The following TLL1 variants were observed in gnomAD, a reference collection of about 807,000 sequenced individuals.
TLL1 encodes the protein tolloid like 1, also known as tolloid-like protein 1.
TLL1 carries 49 observed loss-of-function variants against 128.2 expected under a neutral mutation model. The observed-to-expected ratio is 0.38, with a 90% CI of 0.30 to 0.48. The LOEUF (loss-of-function observed/expected upper bound fraction) is 0.48. Among genes scored for constraint, TLL1 ranks in the 20% least tolerant of loss-of-function variants. The probability of loss-of-function intolerance (pLI) is 0.96; values close to 1 mark genes in which losing one functional copy is unlikely to be tolerated. For synonymous variants in TLL1, 454 were observed against 418.8 expected (o/e 1.08, Z -1.03); for missense variants, 1,123 against 1,242.0 (o/e 0.90, Z 1.44).
chr4:166,060,498 GA>G (rs1326163354), intron 15 of TLL1, among the ~76,000 whole-genome samples: 2 of 151,744 alleles, frequency 1.3e-5, no homozygotes, highest in Admixed American at 1.3e-4. Context: ...GACACTTCTA[GA>G]AAAAAATAAA....
At chr4:166,083,575 A>G (rs1741380149) in intron 18 of TLL1, among the ~76,000 whole-genome samples, 1 of 123,124 alleles carries the variant, frequency 8.1e-6, no homozygotes, top group African/African-American at 2.5e-5. Context: ...GGTCAACACC[A>G]TTCAACTCTC....
rs566659642 is a variant in TLL1, at chr4:166,101,140, C to A, written c.*264C>A. Reference sequence around the variant, plus strand: ...TATACTTCAAGGAAGACTCTACAAGCTTTTGTTCACAGCTTGAAATAGATG... The same window carrying A: ...TATACTTCAAGGAAGACTCTACAAGATTTTGTTCACAGCTTGAAATAGATG... On this transcript the variant is annotated 3_prime_UTR_variant, in exon 21 of 21. Transcript: ENST00000061240. 1.9e-5 allele frequency: 8 copies of A among 422,676 alleles called. No individual in the cohort carries two copies. Among genetic ancestry groups the A allele is most frequent in the South Asian group, 1.9e-4 (8 of 43,190 alleles). 26.2% of individuals were successfully genotyped at this position (422,676 alleles called of 1,614,324 possible).
chr4:165,896,354 C>G (rs1389344759), intron 1 of TLL1, among the ~76,000 whole-genome samples: 1 of 152,038 alleles, frequency 6.6e-6, no homozygotes, highest in Non-Finnish European at 1.5e-5. Context: ...TGGGTTGGTT[C>G]CAAGGCTTTG....
chr4:165,931,073 ATG>A (rs1733490542), intron 1 of TLL1, among the ~76,000 whole-genome samples: 1 of 152,196 alleles, frequency 6.6e-6, no homozygotes, highest in South Asian at 2.1e-4. Flanking sequence ...TTCATAGATT[ATG>A]TGTTTTGTTG....
At chr4:166,038,502 A>C (rs914511660) in intron 9 of TLL1, among the ~76,000 whole-genome samples, 9 of 151,888 alleles carry the variant, frequency 5.9e-5, no homozygotes, top group East Asian at 1.9e-4. Flanking sequence ...AAAAAAAAAA[A>C]CCAGATGAAT....
In TLL1 at chr4:165,937,453, C is replaced by T. The variant is rs1733816310; in HGVS notation, c.170-51928C>T. 2.0e-5 allele frequency among the ~76,000 whole-genome samples: 3 copies of T among 152,066 alleles called. No homozygotes were observed. In the South Asian group the frequency reaches 6.2e-4, roughly 32 times the overall value. On this transcript the variant is annotated intron_variant, in intron 1 of 20. Coordinates refer to ENST00000061240, the MANE Select transcript of TLL1 (RefSeq NM_012464.5). ...TACTACCAATTCTGATTACTGAAAA[C>T]AACAAAACAAAATGACTTTGTATAT...
intron 1 of TLL1, among the ~76,000 whole-genome samples, chr4:165,878,475 C>T (rs1730820497): frequency 6.6e-6 from 1 of 152,006 alleles, no homozygotes; most frequent in Non-Finnish European, 1.5e-5. Flanking sequence ...AATTCTGCTC[C>T]TGGTTTGTCA....
chr4:166,003,353 C>T, intron 5 of TLL1, 38 bp from the exon 6 acceptor site: 1 of 1,611,144 alleles, frequency 6.2e-7, no homozygotes, highest in Non-Finnish European at 8.5e-7. Flanking sequence ...TCCAGCACCA[C>T]CTTTCCACCA....
At chr4:165,958,815 G>T (rs1206689794) in intron 1 of TLL1, among the ~76,000 whole-genome samples, 1 of 147,698 alleles carries the variant, frequency 6.8e-6, no homozygotes, top group Non-Finnish European at 1.5e-5. Context: ...GTAATGCCTA[G>T]GTTTTCTTCT....
chr4:165,909,906 GT>G (rs1732448174), intron 1 of TLL1, among the ~76,000 whole-genome samples: 1 of 152,152 alleles, frequency 6.6e-6, no homozygotes, highest in East Asian at 1.9e-4. Context: ...TAGTAGCACA[GT>G]TTTTTTCCCC....
chr4:165,903,839 A>G (rs571483906), intron 1 of TLL1, among the ~76,000 whole-genome samples: 1 of 152,198 alleles, frequency 6.6e-6, no homozygotes, highest in South Asian at 2.1e-4. Flanking sequence ...ATTGTGGTAT[A>G]ATCTATGGCA....
chr4:165,952,469 G>C (rs1044500956), intron 1 of TLL1, among the ~76,000 whole-genome samples: 5 of 152,120 alleles, frequency 3.3e-5, no homozygotes, highest in African/African-American at 9.7e-5. Flanking sequence ...GGATGAAGTA[G>C]ACAGGGAAGG....
chr4:166,099,398 C>A lies in TLL1; in HGVS notation c.2778C>A (p.Gly926=). The change falls in exon 20 of 21, where the codon GGC becomes GGA. Residue 926 remains glycine, a synonymous_variant. Transcript: ENST00000061240. The part of the protein sequence containing the change: ...DCEWLLVSER[G]SRLELSFQTF... ...AATGGCTATTAGTATCAGAACGGGG[C>A]TCTCGACTTGAATTATCCTTCCAGA... 6.2e-7 allele frequency: 1 copy of A among 1,613,592 alleles called. No homozygotes were observed.
chr4:165,985,227 A>T (rs548429722), intron 1 of TLL1, among the ~76,000 whole-genome samples: 2 of 152,148 alleles, frequency 1.3e-5, no homozygotes, highest in Admixed American at 1.3e-4. Context: ...ACATGGAAGT[A>T]GAGACACTTA....
intron 5 of TLL1, among the ~76,000 whole-genome samples, chr4:165,998,653 C>T (rs1375513574): frequency 1.3e-5 from 2 of 151,738 alleles, no homozygotes; most frequent in Non-Finnish European, 2.9e-5. Flanking sequence ...AAAAATTAGC[C>T]GGGCGTGGTG....
At chr4:166,041,387 G>A (rs893698488) in intron 10 of TLL1, among the ~76,000 whole-genome samples, 10 of 149,598 alleles carry the variant, frequency 6.7e-5, no homozygotes, top group Non-Finnish European at 1.2e-4. Context: ...TGCAACCTCT[G>A]CCTCTCGGAC....
At chr4:166,078,419 C>G (rs766374100) in intron 18 of TLL1, among the ~76,000 whole-genome samples, 1 of 152,164 alleles carries the variant, frequency 6.6e-6, no homozygotes. Flanking sequence ...ACATATTCTA[C>G]TGGTTATGCC....
At chr4:166,060,335 A>G (rs1740248176) in intron 15 of TLL1, 147 bp downstream of exon 15, 2 of 887,980 alleles carry the variant, frequency 2.3e-6, no homozygotes, top group African/African-American at 3.4e-5. Flanking sequence ...GCAACTGCTT[A>G]TGAATCTCGT....
chr4:165,873,844 C>G lies in TLL1; in HGVS notation c.-61C>G. 1 of 1,598,120 alleles carries G rather than the reference C, an allele frequency of 6.3e-7. No homozygotes were observed. The highest frequency in any genetic ancestry group is 8.6e-7 in the Non-Finnish European group (1 of 1,168,056). The stretch of plus-strand genomic sequence containing the variant: ...CGGTGCCCCTAGCCCCGCACATCAG[C>G]GCGGACCGCGGCTGCCTAACCTCTG... On this transcript the variant is annotated 5_prime_UTR_variant, in exon 1 of 21. Coordinates refer to ENST00000061240, the MANE Select transcript of TLL1 (RefSeq NM_012464.5).
Sources: gnomAD v4.1 joint callset for allele counts (sites outside exome capture counted in the v4.1 genomes callset) on GRCh38, gnomAD v4.1.1 for gene constraint, MANE v1.5 for transcripts, NCBI Gene and HGNC (gene_info 2026-07-23, HGNC 2026-07-21) for gene names.